Variants in CPNE1 observed in about 807,000 individuals in gnomAD.
CPNE1 encodes copine-1.
Under a neutral mutation model 63.2 loss-of-function variants are expected in CPNE1, and 58 were observed. The ratio of observed to expected loss-of-function variants is 0.92; its 90% confidence interval spans 0.74 to 1.14. The LOEUF (loss-of-function observed/expected upper bound fraction) is 1.14. Ranked by LOEUF, CPNE1 falls within the 50% of genes most tolerant of loss-of-function variation. The probability of loss-of-function intolerance (pLI) is 0.00; values close to 1 mark genes in which losing one functional copy is unlikely to be tolerated. For synonymous variants in CPNE1, 237 were observed against 249.0 expected (o/e 0.95, Z 0.45); for missense variants, 672 against 661.7 (o/e 1.02, Z -0.17).
chr20:35,655,940 C>A (rs1264686046), intron 1 of CPNE1, among the ~76,000 whole-genome samples: 1 of 152,102 alleles, frequency 6.6e-6, no homozygotes, highest in Non-Finnish European at 1.5e-5. Flanking sequence ...TTATTTTATT[C>A]ATCCTAAAAC....
chr20:35,656,800 C>T (rs1217416434), intron 1 of CPNE1, among the ~76,000 whole-genome samples: 2 of 147,106 alleles, frequency 1.4e-5, no homozygotes, highest in South Asian at 2.1e-4. Flanking sequence ...AGCCACTGCG[C>T]CCCACCTGAA....
chr20:35,632,010 A>G lies in CPNE1; in HGVS notation c.472T>C (p.Ser158Pro). The change falls in exon 6 of 16, where the codon TCA (serine) becomes CCA (proline). Residue 158 changes from serine to proline, a missense_variant. Coordinates refer to ENST00000397443, the MANE Select transcript of CPNE1 (RefSeq NM_152925.3). ...CGGAAGAACTCCAGAAATGGATCTG[A>G]TTTTCCCAGGAAGTCCTGCCAATGC... ...NLDKKDFLGKSDPFLEFFRQG... is the reference protein window; with the variant it reads ...NLDKKDFLGKPDPFLEFFRQG... 1.2e-6 allele frequency: 2 copies of G among 1,613,994 alleles called. No homozygotes were observed. Among genetic ancestry groups the G allele is most frequent in the Non-Finnish European group, 1.7e-6 (2 of 1,179,978 alleles).
chr20:35,628,695 A>C (rs1232632335), intron 13 of CPNE1, among the ~76,000 whole-genome samples: 1 of 152,268 alleles, frequency 6.6e-6, no homozygotes, highest in Non-Finnish European at 1.5e-5. Flanking sequence ...TCCATATAAA[A>C]AGATATGTGC....
intron 5 of CPNE1, 64 bp from the exon 6 acceptor site, chr20:35,632,089 C>A: frequency 1.9e-6 from 3 of 1,602,754 alleles, no homozygotes; most frequent in Non-Finnish European, 2.6e-6. Context: ...ATCCCTCTGT[C>A]CACACCCCCA....
intron 1 of CPNE1, among the ~76,000 whole-genome samples, chr20:35,656,483 A>C (rs1237723441): frequency 2.6e-5 from 4 of 152,230 alleles, no homozygotes; most frequent in Non-Finnish European, 5.9e-5. Flanking sequence ...TTTGAAATTA[A>C]GGTGGTCAAT....
chr20:35,627,288 TC>T lies in CPNE1; in HGVS notation c.1227del (p.Thr410LeufsTer11), dbSNP rs1321918317. ...CCACCCACGACTCTCACCGAGGCAG[TC>T]CCCTGATGTGCAGCCTGGGCTGCAA... ...ARFAAQAAHQ[G>X]TASQYFMLLL... On this transcript the variant is annotated frameshift_variant, in exon 14 of 16. Coordinates refer to ENST00000397443, the MANE Select transcript of CPNE1 (RefSeq NM_152925.3). LOFTEE classifies it high-confidence loss of function. 1 of 1,606,966 alleles carries T rather than the reference TC, an allele frequency of 6.2e-7. No homozygotes were observed. The highest frequency in any genetic ancestry group is 1.1e-5 in the South Asian group (1 of 90,838).
At chr20:35,643,606 G>A (rs1037263062) in intron 1 of CPNE1, 1 of 152,118 alleles carries the variant, frequency 6.6e-6, no homozygotes, top group Non-Finnish European at 1.5e-5. Flanking sequence ...AGCCAGGTGT[G>A]GTGGTGCACA....
chr20:35,653,295 TCCTGTGCTGGGCAGG>T (rs1358027101), intron 1 of CPNE1: 2 of 1,613,656 alleles, frequency 1.2e-6, no homozygotes, highest in Non-Finnish European at 8.5e-7. Flanking sequence ...AACCAGGCAG[TCCTGTGCTGGGCAGG>T]CCTGCACCGG....
At position 35,631,504 on chromosome 20, in the gene CPNE1, C is replaced by G; in HGVS notation, c.702G>C (p.Leu234=). Residue 234 remains leucine (L), a synonymous_variant, in exon 8 of 16, where the codon CTG becomes CTC. Transcript: ENST00000397443. The part of the protein sequence containing the change: ...IGTFHTSLAQ[L]QAVPAEFECI... ...GACCAGCACTCACCGGGACTGCCTG[C>G]AGCTGGGCCAAGCTGGTGTGGAAGG... 6.2e-7 allele frequency: 1 copy of G among 1,614,012 alleles called. No homozygotes were observed. Among genetic ancestry groups the G allele is most frequent in the Non-Finnish European group, 8.5e-7 (1 of 1,179,942 alleles).
At chr20:35,634,618 G>A (rs1168766450) in intron 1 of CPNE1, among the ~76,000 whole-genome samples, 4 of 151,974 alleles carry the variant, frequency 2.6e-5, no homozygotes, top group African/African-American at 9.7e-5. Flanking sequence ...AAGAAAAAAA[G>A]TCCAAACTAT....
chr20:35,652,601 C>A (rs369772201), intron 1 of CPNE1: 12 of 1,614,072 alleles, frequency 7.4e-6, no homozygotes, highest in Non-Finnish European at 8.5e-6. Context: ...GTGGCTTCAT[C>A]CCGAGACTCA....
chr20:35,650,543 A>C (rs550123932), intron 1 of CPNE1: 4 of 150,506 alleles, frequency 2.7e-5, no homozygotes, highest in African/African-American at 9.7e-5. Flanking sequence ...ACATTAACTT[A>C]AATTAAACAG....
chr20:35,662,032 T>C (rs1222996864), intron 1 of CPNE1, among the ~76,000 whole-genome samples: 1 of 152,224 alleles, frequency 6.6e-6, no homozygotes, highest in Admixed American at 6.5e-5. Context: ...CACTTGATTT[T>C]GTTCCCCATT....
At chr20:35,664,337 C>G (rs1371766303) in intron 1 of CPNE1, 1 of 152,308 alleles carries the variant, frequency 6.6e-6, no homozygotes, top group Non-Finnish European at 1.5e-5. Flanking sequence ...AAGGAGTGTC[C>G]TCACTACGAT....
chr20:35,636,459 T>C (rs577059071), intron 1 of CPNE1, among the ~76,000 whole-genome samples: 2 of 152,358 alleles, frequency 1.3e-5, no homozygotes, highest in Admixed American at 1.3e-4. Flanking sequence ...TGCTGAATAG[T>C]GGCTAAAAAA....
At chr20:35,644,614 C>T (rs548620640) in intron 1 of CPNE1, among the ~76,000 whole-genome samples, 7 of 152,142 alleles carry the variant, frequency 4.6e-5, no homozygotes, top group African/African-American at 1.7e-4. Context: ...AGTCACATAA[C>T]TGATGGAACC....
At chr20:35,662,655 G>A (rs1042016789) in intron 1 of CPNE1, among the ~76,000 whole-genome samples, 12 of 152,200 alleles carry the variant, frequency 7.9e-5, no homozygotes, top group Admixed American at 7.9e-4. Flanking sequence ...TACAATGACA[G>A]AATGGCTCTC....
At chr20:35,659,836 G>C (rs1346061589) in intron 1 of CPNE1, among the ~76,000 whole-genome samples, 29 of 151,960 alleles carry the variant, frequency 1.9e-4, no homozygotes, top group Admixed American at 1.8e-3. Flanking sequence ...TATATTCAAA[G>C]GTCATTTTTT....
chr20:35,627,661 C>T, intron 13 of CPNE1: 1 of 378,380 alleles, frequency 2.6e-6, no homozygotes, highest in Non-Finnish European at 4.8e-6. Flanking sequence ...TGGACAAATC[C>T]AGGAGAGTTT....
Sources: gnomAD v4.1 joint callset for allele counts (sites outside exome capture counted in the v4.1 genomes callset) on GRCh38, gnomAD v4.1.1 for gene constraint, MANE v1.5 for transcripts, NCBI Gene and HGNC (gene_info 2026-07-23, HGNC 2026-07-21) for gene names.